Variants in STARD9 observed in about 807,000 individuals in gnomAD.
STARD9 encodes the protein StAR related lipid transfer domain containing 9, also known as stAR-related lipid transfer protein 9.
STARD9 carries 346 observed loss-of-function variants against 399.8 expected under a neutral mutation model. That is an observed-to-expected ratio of 0.87 (90% confidence interval 0.79 to 0.95). The LOEUF (loss-of-function observed/expected upper bound fraction) is 0.95. Ranked by LOEUF, STARD9 falls within the 40% of genes least tolerant of loss-of-function variation. The pLI is 0.00. For synonymous variants in STARD9, 2,203 were observed against 2,143.5 expected, an observed-to-expected ratio of 1.03 and a Z score of -0.77; for missense variants, 5,832 against 5,667.5, an observed-to-expected ratio of 1.03 and a Z score of -0.93.
Position 42,638,803 on chromosome 15 carries a change from T to C in STARD9, c.550T>C (p.Tyr184His), listed in dbSNP as rs2059474287. 6.5e-7 allele frequency: 1 copy of C among 1,531,136 alleles called. No homozygotes were observed. The highest frequency in any genetic ancestry group is 8.8e-7 in the Non-Finnish European group (1 of 1,142,662). 94.8% of individuals were successfully genotyped at this position (1,531,136 alleles called of 1,614,324 possible). ...CAGGGAGCATCCAGAGATGGGGCCC[T>C]ATGTACAAGGTGAGCTACTGTGGTC... is the stretch of plus-strand genomic sequence containing the variant. ...RVREHPEMGP[Y>H]VQGLSQHVVT... is the part of the protein sequence containing the mutation. The change falls in exon 7 of 33, where the codon TAT (tyrosine) becomes CAT (histidine). Residue 184 changes from tyrosine to histidine, a missense_variant. Tyr to His is a moderately conservative substitution (Grantham distance 83). Transcript: ENST00000290607.
chr15:42,622,529 C>T (rs1312582434), intron 3 of STARD9, among the ~76,000 whole-genome samples: 2 of 152,060 alleles, frequency 1.3e-5, no homozygotes, highest in South Asian at 2.1e-4. Context: ...CACTGCCCAG[C>T]GGATGTCTCT....
At chr15:42,604,946 A>C (rs2058699843) in intron 3 of STARD9, among the ~76,000 whole-genome samples, 1 of 152,056 alleles carries the variant, frequency 6.6e-6, no homozygotes, top group African/African-American at 2.4e-5. Context: ...CCTGACCTGG[A>C]TCGAATGGAA....
In STARD9 at chr15:42,693,062, G is replaced by T; in HGVS notation, c.11484G>T (p.Gln3828His). The change falls in exon 23 of 33, where the codon CAG becomes CAT. Residue 3828 changes from glutamine (Q) to histidine (H), a missense_variant. Around this residue, in one of 2 missense-constraint regions of STARD9, gnomAD observed 5,828 missense variants for 5,651.1 expected, o/e 1.03. Transcript: ENST00000290607. ...HLRFQKAPVG[Q>H]HLPSVSPSVS... ...GGTTTCAGAAAGCCCCCGTTGGGCAGCATCTTCCTTCTGTGAGCCCCTCAG... is the reference window on the plus strand; with the variant it reads ...GGTTTCAGAAAGCCCCCGTTGGGCATCATCTTCCTTCTGTGAGCCCCTCAG... 2.0e-6 allele frequency: 3 copies of T among 1,537,116 alleles called. No individual in the cohort carries two copies. Among genetic ancestry groups the T allele is most frequent in the Non-Finnish European group, 2.6e-6 (3 of 1,146,880 alleles).
chr15:42,664,039 G>T (rs1042575965), intron 13 of STARD9, 122 bp downstream of exon 13: 4 of 655,718 alleles, frequency 6.1e-6, no homozygotes, highest in East Asian at 2.8e-5. Flanking sequence ...TCCTCCAGAT[G>T]ATGAGGGAGT....
chr15:42,585,050 T>C (rs772430495), intron 2 of STARD9, among the ~76,000 whole-genome samples: 1 of 152,232 alleles, frequency 6.6e-6, no homozygotes, highest in African/African-American at 2.4e-5. Flanking sequence ...ACCTTCAAGC[T>C]ATGTTTATAA....
At position 42,687,232 on chromosome 15, in the gene STARD9, A is replaced by G. The variant is rs1434338419; in HGVS notation, c.5654A>G (p.Glu1885Gly). ...LNKKHSFPAL[E>G]GGEVTAQSCC... is the part of the protein sequence containing the mutation. ...AAAAAACACAGTTTTCCAGCACTTG[A>G]GGGAGGAGAGGTCACTGCTCAGTCC... Residue 1885 changes from glutamate (E) to glycine (G), a missense_variant, in exon 23 of 33, where the codon GAG (glutamate) becomes GGG (glycine). Glu to Gly is a moderately conservative substitution (Grantham distance 98, BLOSUM62 -2). Coordinates refer to ENST00000290607, the MANE Select transcript of STARD9 (RefSeq NM_020759.3). The G allele has an allele frequency of 6.5e-7, 1 of 1,537,188 alleles. No homozygotes were observed. Among genetic ancestry groups the G allele is most frequent in the Admixed American group, 2.0e-5 (1 of 51,004 alleles).
rs373300237 is a variant in STARD9, at chr15:42,626,423, CTCTTCT to C, written c.235-8424_235-8419del. On this transcript the variant is annotated intron_variant, in intron 3 of 32. Coordinates refer to ENST00000290607, the MANE Select transcript of STARD9 (RefSeq NM_020759.3). Reference sequence around the variant, plus strand: ...CCTCCTCTTCTTCCTCCTCCTCCTCCTCTTCTTCTTCTTCCTTCTCCTCCTCCTCTT... The same window carrying C: ...CCTCCTCTTCTTCCTCCTCCTCCTCCTCTTCTTCCTTCTCCTCCTCCTCTT... Among the ~76,000 whole-genome samples, 6 of 148,034 alleles carry C rather than the reference CTCTTCT, an allele frequency of 4.1e-5. 1 individual carries two copies. The East Asian group carries it at 7.9e-4, about 20-fold the overall frequency.
chr15:42,664,043 A>C lies in STARD9; in HGVS notation c.1176+126A>C, dbSNP rs2060041913. The C allele has an allele frequency of 1.5e-5, 10 of 646,778 alleles. No homozygotes were observed. In the South Asian group the frequency reaches 1.6e-4, roughly 11 times the overall value. 40.1% of individuals were successfully genotyped at this position (646,778 alleles called of 1,614,324 possible). A position where few individuals can be genotyped will look rare whatever the true frequency, so the allele number is the denominator to read the frequency against. On this transcript the variant is annotated intron_variant, in intron 13 of 32. Transcript: ENST00000290607. ...TTCCAGACTTGTCCTCCAGATGATG[A>C]GGGAGTAGAATTCTTTCTTGTACTG...
chr15:42,644,842 T>C (rs2059616198), intron 7 of STARD9, among the ~76,000 whole-genome samples: 1 of 152,238 alleles, frequency 6.6e-6, no homozygotes. Flanking sequence ...TAAGTTTATA[T>C]AATATTCTGT....
In STARD9 at chr15:42,684,832, AT is replaced by A; in HGVS notation, c.3257del (p.Phe1086SerfsTer4). 6.5e-7 allele frequency: 1 copy of A among 1,537,198 alleles called. No individual in the cohort carries two copies. Among genetic ancestry groups the A allele is most frequent in the African/African-American group, 1.4e-5 (1 of 73,180 alleles). ...RDPDTMVPLT[D>X]FSPVMDHSRE... ...CCAGACACCATGGTCCCACTCACAG[AT>A]TTCAGCCCAGTAATGGATCATTCAA... On this transcript the variant is annotated frameshift_variant, in exon 23 of 33. Coordinates refer to ENST00000290607, the MANE Select transcript of STARD9 (RefSeq NM_020759.3). LOFTEE classifies it high-confidence loss of function.
Position 42,695,797 on chromosome 15 carries a change from A to C in STARD9, c.13201A>C (p.Asn4401His). 1 of 1,537,270 alleles carries C rather than the reference A, an allele frequency of 6.5e-7. No individual in the cohort carries two copies. The highest frequency in any genetic ancestry group is 8.7e-7 in the Non-Finnish European group (1 of 1,146,888). The change falls in exon 26 of 33, where the codon AAT becomes CAT. Residue 4401 changes from asparagine (N) to histidine (H), a missense_variant. Physicochemically the swap from Asn to His is moderately conservative, Grantham distance 68. Transcript: ENST00000290607. ...TTCCAGCTCCCTGTGCACCAGCTCT[A>C]ATGGAAGCCTCTCGTCTGGCATGAC... ...ANSSSLCTSS[N>H]GSLSSGMTSG...
chr15:42,598,833 A>G (rs2058566629), intron 3 of STARD9, among the ~76,000 whole-genome samples: 1 of 152,194 alleles, frequency 6.6e-6, no homozygotes, highest in South Asian at 2.1e-4. Context: ...CGTTTATTGA[A>G]CACTCATTCT....
intron 3 of STARD9, among the ~76,000 whole-genome samples, chr15:42,612,270 G>T (rs1055657798): frequency 1.3e-5 from 2 of 152,066 alleles, no homozygotes; most frequent in Non-Finnish European, 2.9e-5. Flanking sequence ...GAGCCACCTC[G>T]CCTGGCCCCT....
rs1382831294 is a variant in STARD9, at chr15:42,717,042, G to T, written c.13488G>T (p.Met4496Ile). Reference sequence around the variant, plus strand: ...CCAAGCATGTCGTGGACACTTCTATGGCTGATGTGAGTAACTGCTCCCACC... The same window carrying T: ...CCAAGCATGTCGTGGACACTTCTATTGCTGATGTGAGTAACTGCTCCCACC... The part of the protein sequence containing the change: ...DLAKHVVDTS[M>I]ADVMAACSDN... The change falls in exon 28 of 33, where the codon ATG becomes ATT. Residue 4496 changes from methionine (M) to isoleucine (I), a missense_variant. Around this residue, in one of 2 missense-constraint regions of STARD9, gnomAD observed 5,828 missense variants for 5,651.1 expected, o/e 1.03. Coordinates refer to ENST00000290607, the MANE Select transcript of STARD9 (RefSeq NM_020759.3). The T allele has an allele frequency of 1.3e-6, 2 of 1,537,174 alleles. No individual in the cohort carries two copies. Among genetic ancestry groups the T allele is most frequent in the South Asian group, 2.4e-5 (2 of 84,052 alleles).
At position 42,691,976 on chromosome 15, in the gene STARD9, C is replaced by G; in HGVS notation, c.10398C>G (p.Ile3466Met). Reference sequence around the variant, plus strand: ...TGCTGCACTTTGGCTCCAGTGACATCAGTCCCTATGCGCTGCCGTGGCGTC... The same window carrying G: ...TGCTGCACTTTGGCTCCAGTGACATGAGTCCCTATGCGCTGCCGTGGCGTC... ...KGMLHFGSSD[I>M]SPYALPWRPE... Residue 3466 changes from isoleucine to methionine, a missense_variant, in exon 23 of 33, where the codon ATC (isoleucine) becomes ATG (methionine). Around this residue, in one of 2 missense-constraint regions of STARD9, gnomAD observed 5,828 missense variants for 5,651.1 expected, o/e 1.03. Transcript: ENST00000290607. The G allele has an allele frequency of 5.9e-6, 9 of 1,537,258 alleles. No homozygotes were observed. The highest frequency in any genetic ancestry group is 1.4e-5 in the African/African-American group (1 of 73,174).
At position 42,601,781 on chromosome 15, in the gene STARD9, C is replaced by T. The variant is rs776613042; in HGVS notation, c.234+16144C>T. Among the ~76,000 whole-genome samples, 123 of 152,340 alleles carry T rather than the reference C, an allele frequency of 8.1e-4. 1 individual carries two copies. Among genetic ancestry groups the T allele is most frequent in the Middle Eastern group, 3.4e-3 (1 of 294 alleles). ...ACAAACCCTATAGCATTAAGTCTAG[C>T]GTCAGCAGATGATCTGCAAAAAATT... On this transcript the variant is annotated intron_variant, in intron 3 of 32. Transcript: ENST00000290607.
rs1482111116 is a variant in STARD9, at chr15:42,694,079, T to A, written c.12501T>A (p.Gly4167=). Residue 4167 remains glycine (G), a synonymous_variant, in exon 23 of 33, where the codon GGT becomes GGA. Coordinates refer to ENST00000290607, the MANE Select transcript of STARD9 (RefSeq NM_020759.3). ...DMTEEELGAS[G]DLSSEKQEQS... ...CTGAGGAGGAGCTGGGGGCCAGCGG[T>A]GATCTCAGCTCTGAAAAGCAGGAAC... 3.3e-6 allele frequency: 5 copies of A among 1,536,986 alleles called. No individual in the cohort carries two copies. The highest frequency in any genetic ancestry group is 4.4e-6 in the Non-Finnish European group (5 of 1,146,862).
chr15:42,585,541 C>T lies in STARD9; in HGVS notation c.138C>T (p.Gly46=). The change falls in exon 3 of 33, where the codon GGC becomes GGT. Residue 46 remains glycine, a synonymous_variant. Coordinates refer to ENST00000290607, the MANE Select transcript of STARD9 (RefSeq NM_020759.3). ...RNLKVDNRPD[G]FGDSREKVMA... ...TTTAGGTGGACAATCGACCAGATGG[C>T]TTTGGGGACTCCCGGGAGAAGGTTA... The T allele has an allele frequency of 1.3e-6, 2 of 1,537,016 alleles. No homozygotes were observed. The highest frequency in any genetic ancestry group is 1.7e-6 in the Non-Finnish European group (2 of 1,146,772).
intron 9 of STARD9, among the ~76,000 whole-genome samples, chr15:42,655,585 C>A (rs541616471): frequency 1.6e-4 from 25 of 152,286 alleles, no homozygotes; most frequent in African/African-American, 6.0e-4. Context: ...CAAAAATCAA[C>A]TCAAGATAGA....
Sources: gnomAD v4.1 joint callset for allele counts (sites outside exome capture counted in the v4.1 genomes callset) on GRCh38, gnomAD v4.1.1 for gene constraint, gnomAD v4.1.1 regional missense constraint, MANE v1.5 for transcripts, NCBI Gene and HGNC (gene_info 2026-07-23, HGNC 2026-07-21) for gene names.